Variants in RIT2 observed in about 807,000 individuals in gnomAD.
RIT2 encodes the protein GTP-binding protein Rit2.
RIT2 carries 24 observed loss-of-function variants against 23.7 expected under a neutral mutation model. That is an observed-to-expected ratio of 1.01 (90% confidence interval 0.73 to 1.43). The LOEUF (loss-of-function observed/expected upper bound fraction) is 1.43, where lower values mean the gene tolerates loss of function less well. Ranked by LOEUF, RIT2 falls within the 40% of genes most tolerant of loss-of-function variation. The probability of loss-of-function intolerance (pLI) is 0.00; values close to 1 mark genes in which losing one functional copy is unlikely to be tolerated. For missense variants in RIT2, 236 were observed against 266.9 expected, an observed-to-expected ratio of 0.88 and a Z score of 0.81; for synonymous variants, 107 against 91.1, an observed-to-expected ratio of 1.17 and a Z score of -0.99.
intron 4 of RIT2, among the ~76,000 whole-genome samples, chr18:42,886,286 C>T (rs1250386293): frequency 4.6e-5 from 7 of 152,014 alleles, no homozygotes; most frequent in Middle Eastern, 6.4e-3. Flanking sequence ...AACAGAACTC[C>T]GAAATTCTAT....
chr18:42,773,077 T>TCCAAGGAAAAATAAAATTGTTTTTAACC (rs1446512211), intron 4 of RIT2, among the ~76,000 whole-genome samples: 2 of 152,170 alleles, frequency 1.3e-5, no homozygotes, highest in Non-Finnish European at 2.9e-5. Flanking sequence ...TATCTCTTCA[T>TCCAAGGAAAAATAAAATTGTTTTTAACC]CCAAGGAAAA....
chr18:43,063,827 T>C (rs2144326141), intron 1 of RIT2, among the ~76,000 whole-genome samples: 1 of 152,266 alleles, frequency 6.6e-6, no homozygotes, highest in South Asian at 2.1e-4. Context: ...AAGTGGGCTG[T>C]GGGAATGATT....
intron 4 of RIT2, among the ~76,000 whole-genome samples, chr18:42,820,104 A>G: frequency 6.6e-6 from 1 of 152,108 alleles, no homozygotes; most frequent in East Asian, 1.9e-4. Context: ...GAACTTCTGG[A>G]AATTATTTTT....
intron 4 of RIT2, among the ~76,000 whole-genome samples, chr18:42,744,988 C>T (rs1912884701): frequency 6.6e-6 from 1 of 152,068 alleles, no homozygotes; most frequent in African/African-American, 2.4e-5. Flanking sequence ...CCTTTAGTTT[C>T]TACTACAGCT....
At chr18:42,978,308 T>C (rs1910518152) in intron 2 of RIT2, among the ~76,000 whole-genome samples, 1 of 151,778 alleles carries the variant, frequency 6.6e-6, no homozygotes, top group African/African-American at 2.4e-5. Flanking sequence ...CCACGGCTTT[T>C]TTTTTTTCTC....
At chr18:42,985,417 A>G (rs1166671671) in intron 2 of RIT2, among the ~76,000 whole-genome samples, 1 of 152,142 alleles carries the variant, frequency 6.6e-6, no homozygotes, top group Non-Finnish European at 1.5e-5. Context: ...AACTGATTCT[A>G]AATTTATATG....
intron 2 of RIT2, among the ~76,000 whole-genome samples, chr18:43,026,337 C>T (rs1344031174): frequency 3.9e-5 from 6 of 151,938 alleles, no homozygotes; most frequent in Non-Finnish European, 8.8e-5. Flanking sequence ...TGGTGGATCA[C>T]GAGATCAAGA....
At chr18:43,078,078 C>A (rs1233098909) in intron 1 of RIT2, among the ~76,000 whole-genome samples, 3 of 152,184 alleles carry the variant, frequency 2.0e-5, no homozygotes, top group Non-Finnish European at 4.4e-5. Context: ...TGTGACCTGG[C>A]CCAATTTCAC....
At chr18:42,998,955 A>G (rs1332597210) in intron 2 of RIT2, among the ~76,000 whole-genome samples, 1 of 152,120 alleles carries the variant, frequency 6.6e-6, no homozygotes, top group East Asian at 1.9e-4. Flanking sequence ...TGTTGTTGGG[A>G]AGACCTAATT....
rs567849311 is a variant in RIT2 at position 42,987,803 on chromosome 18, C to T, written c.161-13656G>A. 3.3e-5 allele frequency among the ~76,000 whole-genome samples: 5 copies of T among 152,156 alleles called. No individual in the cohort carries two copies. The South Asian group carries it at 8.3e-4, about 25-fold the overall frequency. On this transcript the variant is annotated intron_variant, in intron 2 of 4. Coordinates refer to ENST00000326695, the MANE Select transcript of RIT2 (RefSeq NM_002930.4). ...TCTGATGAGGGCCTCAGGAAACACACTCATGGCAAAAGGTGAAGTGGAGTA... is the reference window on the plus strand; with the variant it reads ...TCTGATGAGGGCCTCAGGAAACACATTCATGGCAAAAGGTGAAGTGGAGTA...
At chr18:43,060,565 T>C (rs370134658) in intron 1 of RIT2, among the ~76,000 whole-genome samples, 32 of 152,278 alleles carry the variant, frequency 2.1e-4, no homozygotes, top group South Asian at 1.7e-3. Flanking sequence ...ATTACCAAGC[T>C]GGACACCAGT....
At chr18:43,019,588 TG>T (rs1446333539) in intron 2 of RIT2, among the ~76,000 whole-genome samples, 1 of 152,004 alleles carries the variant, frequency 6.6e-6, no homozygotes, top group Non-Finnish European at 1.5e-5. Context: ...TCATACTGAA[TG>T]GGGAAAAGCT....
At position 42,765,124 on chromosome 18, in the gene RIT2, T is replaced by C. The variant is rs181742191; in HGVS notation, c.427-21404A>G. Among the ~76,000 whole-genome samples the C allele has an allele frequency of 2.0e-5, 3 of 152,312 alleles. No individual in the cohort carries two copies. In the East Asian group the frequency reaches 5.8e-4, roughly 29 times the overall value. ...AATGCATAATAAATACATTTGCAAA[T>C]TGGTAGGGTGAATGTTTTGCAATTA... is the stretch of plus-strand genomic sequence containing the variant. On this transcript the variant is annotated intron_variant, in intron 4 of 4. Transcript: ENST00000326695.
intron 4 of RIT2, among the ~76,000 whole-genome samples, chr18:42,903,952 AG>A (rs1464422081): frequency 6.6e-6 from 1 of 152,174 alleles, no homozygotes; most frequent in Non-Finnish European, 1.5e-5. Context: ...GCAGAAGAAA[AG>A]TCCAAGAATT....
At chr18:43,061,074 C>T (rs1195308537) in intron 1 of RIT2, among the ~76,000 whole-genome samples, 1 of 152,060 alleles carries the variant, frequency 6.6e-6, no homozygotes, top group African/African-American at 2.4e-5. Context: ...AACTGAGTCT[C>T]ATATATACTG....
chr18:42,956,442 T>C (rs183921382), intron 3 of RIT2, among the ~76,000 whole-genome samples: 128 of 152,274 alleles, frequency 8.4e-4, no homozygotes, highest in African/African-American at 3.0e-3. Flanking sequence ...CATGGACTAT[T>C]TGGGCTTTGT....
intron 4 of RIT2, among the ~76,000 whole-genome samples, chr18:42,897,321 G>A (rs1196800720): frequency 1.3e-5 from 2 of 152,188 alleles, no homozygotes; most frequent in Non-Finnish European, 2.9e-5. Flanking sequence ...GCAGCTGGTT[G>A]ACAGTGGGAA....
intron 1 of RIT2, among the ~76,000 whole-genome samples, chr18:43,085,692 G>A (rs752714849): frequency 1.1e-4 from 16 of 151,194 alleles, no homozygotes; most frequent in Non-Finnish European, 1.8e-4. Context: ...TCTTAAGGTT[G>A]TAGAGTATAG....
intron 2 of RIT2, among the ~76,000 whole-genome samples, chr18:43,030,644 G>A (rs1568061195): frequency 6.6e-6 from 1 of 152,072 alleles, no homozygotes; most frequent in Non-Finnish European, 1.5e-5. Context: ...GGAGATGGGT[G>A]TGGCTTAGAA....
Sources: gnomAD v4.1 joint callset for allele counts (sites outside exome capture counted in the v4.1 genomes callset) on GRCh38, gnomAD v4.1.1 for gene constraint, MANE v1.5 for transcripts, NCBI Gene and HGNC (gene_info 2026-07-23, HGNC 2026-07-21) for gene names.